Variants in GALNT17 observed in about 807,000 individuals in gnomAD.
GALNT17 encodes UDP-GalNAc:polypeptide N-acetylgalactosaminyltransferase-like 3.
A neutral mutation model predicts 63.7 loss-of-function variants in GALNT17; 29 were observed. The observed-to-expected ratio is 0.46, with a 90% CI of 0.34 to 0.62. The LOEUF is 0.62. GALNT17 is among the 20% of genes least tolerant of loss of function. The probability of loss-of-function intolerance (pLI) is 0.01; values close to 1 mark genes in which losing one functional copy is unlikely to be tolerated. For synonymous variants in GALNT17, 305 were observed against 318.3 expected (o/e 0.96, Z 0.45); for missense variants, 603 against 799.6 (o/e 0.75, Z 2.97).
chr7:71,132,269 C>T lies in GALNT17; in HGVS notation c.-534C>T, dbSNP rs921632971. The T allele has an allele frequency of 6.6e-6, 1 of 152,126 alleles. No individual in the cohort carries two copies. Among genetic ancestry groups the T allele is most frequent in the Non-Finnish European group, 1.5e-5 (1 of 68,086 alleles). 9.4% of individuals were successfully genotyped at this position (152,126 alleles called of 1,614,324 possible). On this transcript the variant is annotated 5_prime_UTR_variant, in exon 1 of 11. Transcript: ENST00000333538. Reference sequence around the variant, plus strand: ...CGCCTGCCCGGGGGAGCGGGTCTTCCGCTGAAGAGCGCGGGTGGCGCGCCG... The same window carrying T: ...CGCCTGCCCGGGGGAGCGGGTCTTCTGCTGAAGAGCGCGGGTGGCGCGCCG...
At chr7:71,650,334 C>T (rs919865274) in intron 6 of GALNT17, among the ~76,000 whole-genome samples, 1 of 152,176 alleles carries the variant, frequency 6.6e-6, no homozygotes, top group African/African-American at 2.4e-5. Context: ...ACTGCAACCT[C>T]CACCTTCTGG....
chr7:71,276,930 GGA>G (rs1369873459), intron 1 of GALNT17, among the ~76,000 whole-genome samples: 1 of 152,102 alleles, frequency 6.6e-6, no homozygotes, highest in Non-Finnish European at 1.5e-5. Flanking sequence ...CCTGGCAGGC[GGA>G]GATTGCAGTG....
At chr7:71,665,275 C>CCTCT (rs2117045638) in intron 6 of GALNT17, 136 bp from the exon 7 acceptor site, 1 of 916,758 alleles carries the variant, frequency 1.1e-6, no homozygotes, top group South Asian at 1.7e-5. Context: ...CCGTGCACAA[C>CCTCT]CTCTCATTGG....
chr7:71,582,851 C>T (rs1789656491), intron 6 of GALNT17, among the ~76,000 whole-genome samples: 1 of 152,038 alleles, frequency 6.6e-6, no homozygotes, highest in South Asian at 2.1e-4. Flanking sequence ...AAAAAGACTA[C>T]AAATAGGGTG....
At chr7:71,137,585 C>A (rs933183926) in intron 1 of GALNT17, among the ~76,000 whole-genome samples, 7 of 152,018 alleles carry the variant, frequency 4.6e-5, no homozygotes, top group Admixed American at 4.6e-4. Context: ...AACCTCAAGG[C>A]TGTAAAGTCT....
intron 1 of GALNT17, among the ~76,000 whole-genome samples, chr7:71,232,793 G>A (rs936457620): frequency 3.9e-5 from 6 of 152,114 alleles, no homozygotes; most frequent in East Asian, 1.9e-4. Context: ...ATTTCTAGAT[G>A]AGGGGTGGTA....
chr7:71,193,454 CTTTTTT>C (rs1159902249), intron 1 of GALNT17, among the ~76,000 whole-genome samples: 3 of 107,318 alleles, frequency 2.8e-5, no homozygotes, highest in Admixed American at 1.1e-4. Flanking sequence ...ACGCTTTTGT[CTTTTTT>C]TTTTTTTTTT....
At chr7:71,507,515 G>T (rs1471321417) in intron 5 of GALNT17, among the ~76,000 whole-genome samples, 2 of 152,182 alleles carry the variant, frequency 1.3e-5, no homozygotes, top group South Asian at 4.1e-4. Flanking sequence ...TGGAACAGCT[G>T]CCTGGCAGTC....
rs182153084 is a variant in GALNT17, at chr7:71,601,177, C to G, written c.1080+29775C>G. ...ATATCTACCACAGTTTCTTTATCCA[C>G]TCGTTGATTGATGAGCATTTGATTG... On this transcript the variant is annotated intron_variant, in intron 6 of 10. Transcript: ENST00000333538. 3.9e-5 allele frequency among the ~76,000 whole-genome samples: 6 copies of G among 151,958 alleles called. No homozygotes were observed. In the East Asian group the frequency reaches 7.7e-4, roughly 20 times the overall value.
intron 3 of GALNT17, among the ~76,000 whole-genome samples, chr7:71,406,006 A>G (rs749436788): frequency 2.0e-5 from 3 of 152,168 alleles, no homozygotes; most frequent in Non-Finnish European, 2.9e-5. Context: ...GTGGCTCTTA[A>G]TAAGGACCCA....
rs186483605 is a variant in GALNT17, at chr7:71,460,617, G to A, written c.962+39512G>A. Among the ~76,000 whole-genome samples the A allele has an allele frequency of 5.8e-4, 89 of 152,318 alleles. 1 individual carries two copies. Among genetic ancestry groups the A allele is most frequent in the Admixed American group, 4.3e-3 (66 of 15,286 alleles). On this transcript the variant is annotated intron_variant, in intron 5 of 10. Transcript: ENST00000333538. ...AAAGAATTTAAGGCGAGTCCATAGAGTAAAGTGAAAGCAAGTTTATTAAGA... is the reference window on the plus strand; with the variant it reads ...AAAGAATTTAAGGCGAGTCCATAGAATAAAGTGAAAGCAAGTTTATTAAGA...
intron 6 of GALNT17, among the ~76,000 whole-genome samples, chr7:71,592,563 C>CATAGCATACTAAAA (rs373112898): frequency 0.029 from 1,986 of 69,608 alleles, 100 homozygotes; most frequent in Middle Eastern, 0.054. Flanking sequence ...GCATAGCATA[C>CATAGCATACTAAAA]TAAAATAAAA....
At chr7:71,692,018 C>G (rs562656433) in intron 9 of GALNT17, among the ~76,000 whole-genome samples, 1 of 152,078 alleles carries the variant, frequency 6.6e-6, no homozygotes, top group South Asian at 2.1e-4. Context: ...TTCAAGCAAT[C>G]CTCCCACCTC....
intron 1 of GALNT17, among the ~76,000 whole-genome samples, chr7:71,321,202 C>A (rs1344697108): frequency 6.6e-6 from 1 of 152,140 alleles, no homozygotes; most frequent in African/African-American, 2.4e-5. Context: ...CCTAGATCAG[C>A]CTTTTTCCCC....
chr7:71,604,762 C>A (rs1790021301), intron 6 of GALNT17, among the ~76,000 whole-genome samples: 1 of 152,208 alleles, frequency 6.6e-6, no homozygotes, highest in South Asian at 2.1e-4. Flanking sequence ...CTTCAGATAA[C>A]TGACCACAGT....
intron 5 of GALNT17, among the ~76,000 whole-genome samples, chr7:71,466,812 C>G (rs147014827): frequency 5.3e-5 from 8 of 152,228 alleles, no homozygotes; most frequent in African/African-American, 1.9e-4. Flanking sequence ...TGGAAACACC[C>G]GTTTTGAGAT....
intron 1 of GALNT17, among the ~76,000 whole-genome samples, chr7:71,203,728 A>T (rs1268452020): frequency 6.6e-6 from 1 of 152,178 alleles, no homozygotes; most frequent in Non-Finnish European, 1.5e-5. Context: ...ATCATGGCAG[A>T]AGGCGAAGGG....
intron 1 of GALNT17, among the ~76,000 whole-genome samples, chr7:71,156,756 G>A (rs748352978): frequency 1.7e-4 from 25 of 148,078 alleles, no homozygotes; most frequent in Non-Finnish European, 2.8e-4. Context: ...TGTTGCCCAG[G>A]CTCACTGCCC....
Position 71,143,241 on chromosome 7 carries a change from G to A in GALNT17, c.238+10201G>A, listed in dbSNP as rs376860185. Among the ~76,000 whole-genome samples, 378 of 151,928 alleles carry A rather than the reference G, an allele frequency of 2.5e-3. 1 individual carries two copies. The highest frequency in any genetic ancestry group is 8.8e-3 in the African/African-American group (364 of 41,460). On this transcript the variant is annotated intron_variant, in intron 1 of 10. Transcript: ENST00000333538. ...GTTCAAGACCAGCCTGGCCAACACA[G>A]CGAAACCCTGTCTCTACTAAAAGTA...
Sources: gnomAD v4.1 joint callset for allele counts (sites outside exome capture counted in the v4.1 genomes callset) on GRCh38, gnomAD v4.1.1 for gene constraint, MANE v1.5 for transcripts, NCBI Gene and HGNC (gene_info 2026-07-23, HGNC 2026-07-21) for gene names.